Variants in PAFAH1B1 observed in about 807,000 individuals in gnomAD.
PAFAH1B1 encodes the protein platelet activating factor acetylhydrolase 1b regulatory subunit 1, also known as platelet-activating factor acetylhydrolase IB subunit beta.
Under a neutral mutation model 57.5 loss-of-function variants are expected in PAFAH1B1, and 2 were observed. The observed-to-expected ratio is 0.03, with a 90% CI of 0.01 to 0.11. PAFAH1B1 has a LOEUF of 0.11. Among genes scored for constraint, PAFAH1B1 ranks in the 10% least tolerant of loss-of-function variants. The pLI, the probability that PAFAH1B1 is intolerant of heterozygous loss-of-function variation, is 1.00. For missense variants in PAFAH1B1, 257 were observed against 512.0 expected, an observed-to-expected ratio of 0.50 and a Z score of 4.81; for synonymous variants, 152 against 169.6, an observed-to-expected ratio of 0.90 and a Z score of 0.81.
intron 2 of PAFAH1B1, among the ~76,000 whole-genome samples, chr17:2,661,246 G>A (rs2069009572): frequency 6.6e-6 from 1 of 152,050 alleles, no homozygotes; most frequent in South Asian, 2.1e-4. Flanking sequence ...CTTTGCCCAT[G>A]CCTGAATGGT....
intron 2 of PAFAH1B1, among the ~76,000 whole-genome samples, chr17:2,649,418 C>T (rs1023062332): frequency 7.9e-5 from 12 of 151,672 alleles, no homozygotes; most frequent in African/African-American, 2.9e-4. Flanking sequence ...ACTAAAAATA[C>T]AAAAATCTAG....
chr17:2,656,873 CTGTTT>C (rs2068942811), intron 2 of PAFAH1B1, among the ~76,000 whole-genome samples: 1 of 32,430 alleles, frequency 3.1e-5, no homozygotes, highest in Non-Finnish European at 1.3e-4. Flanking sequence ...CCTACATAGT[CTGTTT>C]CTGTTTCTAG....
intron 2 of PAFAH1B1, among the ~76,000 whole-genome samples, chr17:2,643,773 C>G (rs998014361): frequency 6.6e-6 from 1 of 152,062 alleles, no homozygotes; most frequent in Non-Finnish European, 1.5e-5. Context: ...GTTGGCCAGG[C>G]TGGTCTCAAG....
In PAFAH1B1 at chr17:2,667,120, C is replaced by T; in HGVS notation, c.321C>T (p.His107=). Residue 107 remains histidine, a synonymous_variant, in exon 5 of 11, where the codon CAC becomes CAT. Coordinates refer to ENST00000397195, the MANE Select transcript of PAFAH1B1 (RefSeq NM_000430.4). ...RPPEKYALSG[H]RSPVTRVIFH... ...CAGAAAAATATGCATTGAGTGGTCA[C>T]AGGAGTCCAGTCACTCGAGTCATTT... 1 of 1,613,834 alleles carries T rather than the reference C, an allele frequency of 6.2e-7. No individual in the cohort carries two copies. The highest frequency in any genetic ancestry group is 8.5e-7 in the Non-Finnish European group (1 of 1,179,780).
intron 1 of PAFAH1B1, among the ~76,000 whole-genome samples, chr17:2,610,742 A>G (rs936242261): frequency 1.3e-5 from 2 of 152,224 alleles, no homozygotes; most frequent in Non-Finnish European, 2.9e-5. Flanking sequence ...AGAGTTTCTC[A>G]TGGGGCTCTC....
In PAFAH1B1 at chr17:2,685,534, AAAAC is replaced by A. The variant is rs1345460848; in HGVS notation, c.*3736_*3739del. ...AAGATTTGTTGCTCTCAGACTGTGT[AAAAC>A]AAAATTTATTCATGTTTTCTGCATA... is the stretch of plus-strand genomic sequence containing the variant. On this transcript the variant is annotated 3_prime_UTR_variant, in exon 11 of 11. Coordinates refer to ENST00000397195, the MANE Select transcript of PAFAH1B1 (RefSeq NM_000430.4). 1 of 152,560 alleles carries A rather than the reference AAAAC, an allele frequency of 6.6e-6. No individual in the cohort carries two copies. The highest frequency in any genetic ancestry group is 1.5e-5 in the Non-Finnish European group (1 of 68,036). 9.5% of individuals were successfully genotyped at this position (152,560 alleles called of 1,614,324 possible).
chr17:2,655,179 A>ATGTGTGTGTG (rs1491329625), intron 2 of PAFAH1B1, among the ~76,000 whole-genome samples: 1 of 122,616 alleles, frequency 8.2e-6, no homozygotes, highest in African/African-American at 3.3e-5. Context: ...ATATATATAC[A>ATGTGTGTGTG]TATATGTGTG....
At chr17:2,615,083 T>C (rs2068321170) in intron 1 of PAFAH1B1, among the ~76,000 whole-genome samples, 2 of 152,254 alleles carry the variant, frequency 1.3e-5, no homozygotes, top group South Asian at 4.1e-4. Flanking sequence ...GTGTCAGTAC[T>C]GAACATGCAG....
chr17:2,606,584 A>G (rs2068206338), intron 1 of PAFAH1B1, among the ~76,000 whole-genome samples: 1 of 151,942 alleles, frequency 6.6e-6, no homozygotes. Flanking sequence ...GCTGGTCTTG[A>G]GCTCCTGACT....
At chr17:2,651,638 AT>A (rs1352996665) in intron 2 of PAFAH1B1, among the ~76,000 whole-genome samples, 1 of 148,158 alleles carries the variant, frequency 6.7e-6, no homozygotes, top group Non-Finnish European at 1.5e-5. Flanking sequence ...ATTCTCCTAA[AT>A]TTTTTGTTTT....
chr17:2,671,235 G>C (rs909991650), intron 6 of PAFAH1B1, among the ~76,000 whole-genome samples: 1 of 151,626 alleles, frequency 6.6e-6, no homozygotes, highest in Non-Finnish European at 1.5e-5. Flanking sequence ...TTGAGACTGT[G>C]TCTCACTCTG....
intron 2 of PAFAH1B1, among the ~76,000 whole-genome samples, chr17:2,659,773 T>G (rs1597562715): frequency 6.6e-6 from 1 of 152,022 alleles, no homozygotes; most frequent in East Asian, 1.9e-4. Context: ...GGAAACAGGC[T>G]TCAGTGAGCC....
At chr17:2,618,179 T>G (rs559950740) in intron 1 of PAFAH1B1, among the ~76,000 whole-genome samples, 15 of 151,380 alleles carry the variant, frequency 9.9e-5, no homozygotes, top group Admixed American at 9.9e-4. Flanking sequence ...ACCTGGGAGA[T>G]GCGAGGTTGC....
intron 1 of PAFAH1B1, among the ~76,000 whole-genome samples, chr17:2,604,686 C>G (rs2068186174): frequency 6.6e-6 from 1 of 152,080 alleles, no homozygotes; most frequent in East Asian, 1.9e-4. Flanking sequence ...TGGTGCATGC[C>G]TGTAATCCCA....
At chr17:2,672,517 C>G in intron 6 of PAFAH1B1, 138 bp from the exon 7 acceptor site, 1 of 662,128 alleles carries the variant, frequency 1.5e-6, no homozygotes. Flanking sequence ...GGTTTCTTAT[C>G]CAATTTGTAT....
intron 1 of PAFAH1B1, among the ~76,000 whole-genome samples, chr17:2,619,755 CTG>C (rs992545850): frequency 3.3e-5 from 5 of 152,100 alleles, no homozygotes; most frequent in Non-Finnish European, 7.3e-5. Context: ...AATGAGGAAA[CTG>C]GGGTTTAGGG....
rs770089496 is a variant in PAFAH1B1, at chr17:2,681,682, C to T, written c.1160-47C>T. 3.4e-6 allele frequency: 5 copies of T among 1,460,178 alleles called. No homozygotes were observed. The African/African-American group carries it at 4.2e-5, about 12-fold the overall frequency. The allele number at this position is 1,460,178 out of a possible 1,614,324, so 90.5% of individuals were successfully genotyped here. ...GAGGGGGTCTCACTATGTTTGTTGTCCAGGCTTACGTGTGAGTTTTAAATA... is the reference window on the plus strand; with the variant it reads ...GAGGGGGTCTCACTATGTTTGTTGTTCAGGCTTACGTGTGAGTTTTAAATA... On this transcript the variant is annotated intron_variant, in intron 10 of 10. Coordinates refer to ENST00000397195, the MANE Select transcript of PAFAH1B1 (RefSeq NM_000430.4).
intron 2 of PAFAH1B1, among the ~76,000 whole-genome samples, chr17:2,664,909 T>C (rs573609253): frequency 9.9e-5 from 15 of 152,172 alleles, no homozygotes; most frequent in Non-Finnish European, 2.1e-4. Flanking sequence ...AAGTTATTTC[T>C]AATATGAAAA....
Position 2,670,059 on chromosome 17 carries a change from G to C in PAFAH1B1, c.400-104G>C. 3.4e-6 allele frequency: 3 copies of C among 880,380 alleles called. No individual in the cohort carries two copies. The South Asian group carries it at 4.0e-5, about 12-fold the overall frequency. 54.5% of individuals were successfully genotyped at this position (880,380 alleles called of 1,614,324 possible). On this transcript the variant is annotated intron_variant, in intron 5 of 10. Transcript: ENST00000397195. ...AATAGTTATCCTTTGTTACTTGTTCGGTTAGTTACTCAGTAAGGTGCCAGA... is the reference window on the plus strand; with the variant it reads ...AATAGTTATCCTTTGTTACTTGTTCCGTTAGTTACTCAGTAAGGTGCCAGA...
Sources: allele counts gnomAD v4.1 joint callset (sites outside exome capture counted in the v4.1 genomes callset), GRCh38; gene constraint gnomAD v4.1.1; transcripts MANE v1.5; gene names NCBI Gene and HGNC (gene_info 2026-07-23, HGNC 2026-07-21).